Variants in GRID2 observed in about 807,000 individuals in gnomAD.
The protein encoded by GRID2 is glutamate ionotropic receptor delta type subunit 2.
In GRID2, 33 loss-of-function variants were observed where a neutral mutation model predicts 114.8. The observed-to-expected ratio is 0.29, with a 90% confidence interval of 0.22 to 0.38. The LOEUF is 0.38. Among genes scored for constraint, GRID2 ranks in the 10% least tolerant of loss-of-function variants. GRID2 has a pLI of 1.00. For missense variants in GRID2, 1,184 were observed against 1,257.7 expected (o/e 0.94, Z 0.89); for synonymous variants, 505 against 449.9 (o/e 1.12, Z -1.55).
intron 2 of GRID2, among the ~76,000 whole-genome samples, chr4:92,917,743 G>A (rs1578465439): frequency 6.6e-6 from 1 of 152,200 alleles, no homozygotes; most frequent in Middle Eastern, 3.4e-3. Context: ...TGCTGTTTTG[G>A]TTACTGTACC....
At chr4:93,078,097 C>A (rs1251163370) in intron 2 of GRID2, among the ~76,000 whole-genome samples, 1 of 152,188 alleles carries the variant, frequency 6.6e-6, no homozygotes, top group Admixed American at 6.5e-5. Flanking sequence ...GCTCTTTGCA[C>A]TCCAGCCACT....
intron 2 of GRID2, among the ~76,000 whole-genome samples, chr4:92,691,383 T>C (rs1734175687): frequency 6.6e-6 from 1 of 152,026 alleles, no homozygotes; most frequent in South Asian, 2.1e-4. Context: ...GAAGGGACTG[T>C]TTACACATTA....
At chr4:92,336,522 G>A (rs1429034939) in intron 1 of GRID2, among the ~76,000 whole-genome samples, 2 of 152,062 alleles carry the variant, frequency 1.3e-5, no homozygotes, top group Non-Finnish European at 2.9e-5. Context: ...CTCTGACTTT[G>A]GCTGCTGCAG....
chr4:93,591,847 G>T (rs1738366106), intron 13 of GRID2, among the ~76,000 whole-genome samples: 2 of 152,144 alleles, frequency 1.3e-5, no homozygotes, highest in South Asian at 4.1e-4. Flanking sequence ...TTTGCGTAGA[G>T]GTGTTTATAG....
chr4:92,503,508 T>C (rs757784099), intron 1 of GRID2, among the ~76,000 whole-genome samples: 4 of 152,076 alleles, frequency 2.6e-5, no homozygotes, highest in Admixed American at 6.6e-5. Context: ...CCAATATTAT[T>C]TGAAGTATGT....
intron 13 of GRID2, among the ~76,000 whole-genome samples, chr4:93,516,457 T>C (rs893149929): frequency 3.3e-5 from 5 of 152,142 alleles, no homozygotes; most frequent in Non-Finnish European, 7.4e-5. Context: ...GATGCTAACA[T>C]AAACCTTTCT....
At chr4:93,750,597 A>C (rs1021048214) in intron 14 of GRID2, among the ~76,000 whole-genome samples, 1 of 152,144 alleles carries the variant, frequency 6.6e-6, no homozygotes, top group Non-Finnish European at 1.5e-5. Context: ...TCTACTAAAA[A>C]TACAAAAAAT....
intron 4 of GRID2, among the ~76,000 whole-genome samples, chr4:93,120,423 G>C (rs1733673318): frequency 6.6e-6 from 1 of 152,098 alleles, no homozygotes; most frequent in Admixed American, 6.5e-5. Flanking sequence ...CCATAAAAAA[G>C]AATGAATTCA....
At position 93,039,310 on chromosome 4, in the gene GRID2, G is replaced by A. The variant is rs549839220; in HGVS notation, c.245-45685G>A. 9.4e-4 allele frequency among the ~76,000 whole-genome samples: 142 copies of A among 150,346 alleles called. 1 individual carries two copies. The highest frequency in any genetic ancestry group is 1.4e-3 in the Non-Finnish European group (94 of 67,772). On this transcript the variant is annotated intron_variant, in intron 2 of 15. Transcript: ENST00000282020. ...AGGGAGGGGAACATCACACAGCGGGGCCTGTCTGGGGGTGGGTGGCTAGGG... is the reference window on the plus strand; with the variant it reads ...AGGGAGGGGAACATCACACAGCGGGACCTGTCTGGGGGTGGGTGGCTAGGG...
At chr4:92,655,838 T>C (rs1034569692) in intron 2 of GRID2, among the ~76,000 whole-genome samples, 6 of 151,752 alleles carry the variant, frequency 4.0e-5, no homozygotes, top group Admixed American at 2.0e-4. Context: ...TGGACACCAA[T>C]TATTGTGTTT....
intron 1 of GRID2, among the ~76,000 whole-genome samples, chr4:92,340,707 A>G (rs1001816440): frequency 1.3e-5 from 2 of 152,222 alleles, no homozygotes; most frequent in Non-Finnish European, 2.9e-5. Context: ...TGCATTTACT[A>G]TATTGAATTA....
At chr4:92,646,082 G>A (rs1461701541) in intron 2 of GRID2, among the ~76,000 whole-genome samples, 1 of 140,436 alleles carries the variant, frequency 7.1e-6, no homozygotes, top group Non-Finnish European at 1.6e-5. Flanking sequence ...AGTTCTCGTC[G>A]TACCACACTC....
At chr4:92,338,535 C>T (rs1034380072) in intron 1 of GRID2, among the ~76,000 whole-genome samples, 4 of 151,940 alleles carry the variant, frequency 2.6e-5, no homozygotes, top group African/African-American at 9.7e-5. Flanking sequence ...TAGGAACATA[C>T]ACAAAAACAT....
chr4:92,764,152 G>A (rs937320208), intron 2 of GRID2, among the ~76,000 whole-genome samples: 1 of 152,096 alleles, frequency 6.6e-6, no homozygotes, highest in African/African-American at 2.4e-5. Context: ...TTTCTGGAAT[G>A]TATGACCGTT....
chr4:92,698,402 AATG>A (rs1734521540), intron 2 of GRID2, among the ~76,000 whole-genome samples: 1 of 152,086 alleles, frequency 6.6e-6, no homozygotes, highest in Non-Finnish European at 1.5e-5. Flanking sequence ...AAATGGGGGT[AATG>A]ATGTTACCTG....
chr4:93,033,111 A>G (rs1381228555), intron 2 of GRID2, among the ~76,000 whole-genome samples: 1 of 152,142 alleles, frequency 6.6e-6, no homozygotes, highest in African/African-American at 2.4e-5. Context: ...ACAACGATAG[A>G]CCTATGCATA....
intron 2 of GRID2, among the ~76,000 whole-genome samples, chr4:92,720,384 C>G (rs1735754229): frequency 6.6e-6 from 1 of 151,872 alleles, no homozygotes; most frequent in Non-Finnish European, 1.5e-5. Flanking sequence ...GTTTGGTAGA[C>G]TATTTAAAAC....
intron 4 of GRID2, among the ~76,000 whole-genome samples, chr4:93,194,879 T>G (rs761291983): frequency 2.6e-5 from 4 of 152,134 alleles, no homozygotes; most frequent in Middle Eastern, 3.2e-3. Flanking sequence ...CAGCAATCTG[T>G]GTTTAAAAAG....
At chr4:92,351,171 A>G (rs1283201470) in intron 1 of GRID2, among the ~76,000 whole-genome samples, 1 of 151,734 alleles carries the variant, frequency 6.6e-6, no homozygotes, top group Non-Finnish European at 1.5e-5. Context: ...ATATGTTTTA[A>G]TTTCTCTTAG....
Sources: gnomAD v4.1 joint callset for allele counts (sites outside exome capture counted in the v4.1 genomes callset) on GRCh38, gnomAD v4.1.1 for gene constraint, MANE v1.5 for transcripts, NCBI Gene and HGNC (gene_info 2026-07-23, HGNC 2026-07-21) for gene names.